Variants in WASF3 observed in about 807,000 individuals in gnomAD.
WASF3 encodes actin-binding protein WASF3.
A neutral mutation model predicts 46.6 loss-of-function variants in WASF3; 11 were observed. That is an observed-to-expected ratio of 0.24 (90% CI 0.15 to 0.39). The LOEUF (loss-of-function observed/expected upper bound fraction) is 0.39. Among genes scored for constraint, WASF3 ranks in the 10% least tolerant of loss-of-function variants. The pLI is 1.00. For missense variants in WASF3, 576 were observed against 669.8 expected (o/e 0.86, Z 1.55); for synonymous variants, 242 against 259.7 (o/e 0.93, Z 0.65).
intron 1 of WASF3, among the ~76,000 whole-genome samples, chr13:26,580,358 A>C (rs1879940148): frequency 6.6e-6 from 1 of 152,156 alleles, no homozygotes; most frequent in South Asian, 2.1e-4. Context: ...AAACACATAC[A>C]GTTTTCTGCT....
intron 1 of WASF3, among the ~76,000 whole-genome samples, chr13:26,564,654 A>G (rs1056056767): frequency 2.0e-5 from 3 of 152,228 alleles, no homozygotes; most frequent in African/African-American, 7.2e-5. Context: ...ATTAACTGTG[A>G]ACTGGAATCA....
At position 26,654,133 on chromosome 13, in the gene WASF3, A is replaced by G. The variant is rs180935698; in HGVS notation, c.134-10895A>G. ...CTTGCCTTCTGTTGGATTTCCAGTC[A>G]CTCCCCACCGACCCCCGCCCCAACA... On this transcript the variant is annotated intron_variant, in intron 3 of 9. Transcript: ENST00000335327. Among the ~76,000 whole-genome samples, 852 of 149,282 alleles carry G rather than the reference A, an allele frequency of 5.7e-3. 2 individuals carry two copies. The highest frequency in any genetic ancestry group is 0.01 in the Non-Finnish European group (699 of 67,222).
chr13:26,588,041 T>C lies in WASF3; in HGVS notation c.-108-24920T>C, dbSNP rs73166048. Among the ~76,000 whole-genome samples the C allele has an allele frequency of 9.0e-3, 1,366 of 152,314 alleles. 11 individuals are homozygous for C. The highest frequency in any genetic ancestry group is 0.017 in the Middle Eastern group (5 of 294). ...TCCCATCAAGAATAATATTCTGAAG[T>C]AGAGGGCAAGGTTTGGAATTGGTTG... On this transcript the variant is annotated intron_variant, in intron 1 of 9. Transcript: ENST00000335327.
chr13:26,649,121 T>C (rs1360114213), intron 3 of WASF3, among the ~76,000 whole-genome samples: 2 of 152,238 alleles, frequency 1.3e-5, no homozygotes, highest in African/African-American at 4.8e-5. Flanking sequence ...TTTCATATAA[T>C]TTTATCTCAT....
At chr13:26,590,231 C>T (rs563970614) in intron 1 of WASF3, among the ~76,000 whole-genome samples, 16 of 152,108 alleles carry the variant, frequency 1.1e-4, no homozygotes, top group African/African-American at 2.9e-4. Context: ...CTGAGAGGCC[C>T]CCCCAACACC....
chr13:26,655,188 T>A (rs148445622), intron 3 of WASF3, among the ~76,000 whole-genome samples: 54 of 152,338 alleles, frequency 3.5e-4, no homozygotes, highest in African/African-American at 1.1e-3. Context: ...TCTGAAATAG[T>A]TCCTCAGTCT....
chr13:26,628,152 G>A (rs549177416), intron 2 of WASF3, among the ~76,000 whole-genome samples: 26 of 152,186 alleles, frequency 1.7e-4, no homozygotes, highest in African/African-American at 6.3e-4. Context: ...CGTAAAAGTT[G>A]GGTAGAAAAC....
rs577398559 is a variant in WASF3, at chr13:26,660,343, C to T, written c.134-4685C>T. On this transcript the variant is annotated intron_variant, in intron 3 of 9. Transcript: ENST00000335327. ...AGCAGCAGAGGGAGCAGAGGGCCCA[C>T]GAGGCAGGAGGGCACCTGCAGGCTC... is the stretch of plus-strand genomic sequence containing the variant. 1.5e-4 allele frequency among the ~76,000 whole-genome samples: 23 copies of T among 151,698 alleles called. 1 individual carries two copies. The East Asian group carries it at 3.3e-3, about 22-fold the overall frequency.
intron 1 of WASF3, among the ~76,000 whole-genome samples, chr13:26,594,192 C>T (rs1259454980): frequency 6.6e-6 from 1 of 152,044 alleles, no homozygotes; most frequent in East Asian, 1.9e-4. Context: ...TATTTACTCC[C>T]CTTGGCCATA....
intron 2 of WASF3, among the ~76,000 whole-genome samples, chr13:26,629,561 C>T (rs763368220): frequency 8.5e-5 from 13 of 152,248 alleles, no homozygotes; most frequent in Admixed American, 6.5e-5. Flanking sequence ...TGAGCTGATC[C>T]GTCTGAAAAA....
At chr13:26,540,157 A>C in the WASF3 span, among the ~76,000 whole-genome samples, 6 of 152,136 alleles carry the variant, frequency 3.9e-5, no homozygotes, top group Non-Finnish European at 8.8e-5. Context: ...CTGACCATCA[A>C]ACCTGGTTGG....
chr13:26,643,183 T>C (rs1375667901), intron 3 of WASF3, among the ~76,000 whole-genome samples: 1 of 152,220 alleles, frequency 6.6e-6, no homozygotes, highest in Non-Finnish European at 1.5e-5. Context: ...TATTTTCTGA[T>C]CTTGTTTTCT....
At chr13:26,556,300 T>C (rs1449443277), upstream of WASF3, among the ~76,000 whole-genome samples, 1 of 152,230 alleles carries the variant, frequency 6.6e-6, no homozygotes, top group Non-Finnish European at 1.5e-5. Context: ...TTTCATATTT[T>C]TGAGTTCTAA....
chr13:26,548,609 G>A, the WASF3 span, among the ~76,000 whole-genome samples: 1 of 152,142 alleles, frequency 6.6e-6, no homozygotes, highest in Non-Finnish European at 1.5e-5. Flanking sequence ...AACACACTTT[G>A]GTGAACTGAT....
At chr13:26,655,093 T>C (rs187100928) in intron 3 of WASF3, among the ~76,000 whole-genome samples, 1 of 152,324 alleles carries the variant, frequency 6.6e-6, no homozygotes, top group East Asian at 1.9e-4. Flanking sequence ...TTTCTTCTTT[T>C]TCTCAGACTT....
chr13:26,577,172 TC>T (rs1879823187), intron 1 of WASF3: 3 of 755,848 alleles, frequency 4.0e-6, no homozygotes, highest in African/African-American at 1.7e-5. Context: ...GGCAAAAACT[TC>T]CTAACTTCCT....
At chr13:26,589,809 G>GGTAA (rs1475083620) in intron 1 of WASF3, among the ~76,000 whole-genome samples, 1 of 152,086 alleles carries the variant, frequency 6.6e-6, no homozygotes, top group African/African-American at 2.4e-5. Context: ...TTTGAACAGA[G>GGTAA]GTAAACATAC....
chr13:26,543,230 C>T, the WASF3 span, among the ~76,000 whole-genome samples: 1 of 152,126 alleles, frequency 6.6e-6, no homozygotes, highest in South Asian at 2.1e-4. Context: ...TCCTGCTTTT[C>T]TTTTTGGCTC....
At chr13:26,631,339 A>G (rs1343776073) in intron 2 of WASF3, among the ~76,000 whole-genome samples, 1 of 152,118 alleles carries the variant, frequency 6.6e-6, no homozygotes, top group African/African-American at 2.4e-5. Flanking sequence ...GTCTTGAGTT[A>G]ATTTTTGTAT....
Sources: gnomAD v4.1 joint callset for allele counts (sites outside exome capture counted in the v4.1 genomes callset) on GRCh38, gnomAD v4.1.1 for gene constraint, MANE v1.5 for transcripts, NCBI Gene and HGNC (gene_info 2026-07-23, HGNC 2026-07-21) for gene names.